ILRUN: variants seen among roughly 807,000 people sequenced by gnomAD.
ILRUN encodes inflammation and lipid regulator with UBA-like and NBR1-like domains, also known as protein ILRUN.
Under a neutral mutation model 33.8 loss-of-function variants are expected in ILRUN, and 3 were observed. That is an observed-to-expected ratio of 0.09 (90% confidence interval 0.04 to 0.23). ILRUN has a LOEUF of 0.23. ILRUN is among the 10% of genes least tolerant of loss of function. ILRUN has a pLI of 1.00. For missense variants in ILRUN, 210 were observed against 375.1 expected (o/e 0.56, Z 3.64); for synonymous variants, 124 against 138.9 (o/e 0.89, Z 0.75).
intron 1 of ILRUN, among the ~76,000 whole-genome samples, chr6:34,666,282 G>A (rs955048840): frequency 3.9e-5 from 6 of 152,154 alleles, no homozygotes; most frequent in South Asian, 2.1e-4. Context: ...ATACTTGGCC[G>A]GGCATGGTGG....
At chr6:34,599,755 A>G (rs1363148987) in intron 4 of ILRUN, among the ~76,000 whole-genome samples, 2 of 152,168 alleles carry the variant, frequency 1.3e-5, no homozygotes, top group Non-Finnish European at 2.9e-5. Context: ...GCAACAGCCC[A>G]CTTGACACCT....
At chr6:34,641,352 C>A (rs1165096085) in intron 3 of ILRUN, among the ~76,000 whole-genome samples, 3 of 152,066 alleles carry the variant, frequency 2.0e-5, no homozygotes, top group African/African-American at 7.2e-5. Context: ...TATACATAAT[C>A]TATTCTCTTT....
chr6:34,668,841 ATTTTT>A (rs34742011), intron 1 of ILRUN, among the ~76,000 whole-genome samples: 2 of 132,584 alleles, frequency 1.5e-5, no homozygotes, highest in African/African-American at 2.8e-5. Flanking sequence ...TGCCTGGCTA[ATTTTT>A]TTTTTTTTTT....
chr6:34,689,344 T>TA (rs1763598897), intron 1 of ILRUN, among the ~76,000 whole-genome samples: 1 of 152,068 alleles, frequency 6.6e-6, no homozygotes, highest in Non-Finnish European at 1.5e-5. Flanking sequence ...GAGACGTCTC[T>TA]AAAAAAATTA....
intron 3 of ILRUN, among the ~76,000 whole-genome samples, chr6:34,624,554 G>A (rs983882391): frequency 4.0e-5 from 6 of 151,290 alleles, no homozygotes; most frequent in African/African-American, 9.7e-5. Context: ...GGCTGATCTC[G>A]AACTCCTGAC....
At chr6:34,634,779 G>GAA (rs1762321726) in intron 3 of ILRUN, among the ~76,000 whole-genome samples, 1 of 152,122 alleles carries the variant, frequency 6.6e-6, no homozygotes, top group African/African-American at 2.4e-5. Context: ...AAAATAAGTT[G>GAA]AACTAGTAAT....
chr6:34,655,985 A>G (rs1762763055), intron 1 of ILRUN, among the ~76,000 whole-genome samples: 1 of 152,134 alleles, frequency 6.6e-6, no homozygotes, highest in Non-Finnish European at 1.5e-5. Flanking sequence ...CTGTAATCCC[A>G]GTACTTTGGG....
intron 2 of ILRUN, among the ~76,000 whole-genome samples, chr6:34,650,076 A>G (rs748638310): frequency 1.4e-4 from 21 of 148,170 alleles, no homozygotes; most frequent in Admixed American, 4.7e-4. Context: ...AAATTTCACC[A>G]AAGTCAGAGA....
chr6:34,673,832 TACACACACAC>T (rs71000079), intron 1 of ILRUN, among the ~76,000 whole-genome samples: 5 of 111,204 alleles, frequency 4.5e-5, no homozygotes, highest in African/African-American at 7.2e-5. Context: ...AACAACCACA[TACACACACAC>T]ACACACACAC....
chr6:34,595,810 G>A, intron 4 of ILRUN: 2 of 985,436 alleles, frequency 2.0e-6, no homozygotes, highest in South Asian at 4.7e-5. Flanking sequence ...TTGTATGGCT[G>A]AGAAATAATA....
At chr6:34,607,660 T>C (rs549765951) in intron 3 of ILRUN, among the ~76,000 whole-genome samples, 88 of 152,264 alleles carry the variant, frequency 5.8e-4, no homozygotes, top group African/African-American at 2.0e-3. Context: ...AAAACCTAGA[T>C]AGTAGAGCCT....
At chr6:34,687,433 C>T (rs1763545115) in intron 1 of ILRUN, among the ~76,000 whole-genome samples, 3 of 151,930 alleles carry the variant, frequency 2.0e-5, no homozygotes, top group South Asian at 2.1e-4. Flanking sequence ...TGGTGGCTCA[C>T]GCCTGTAATC....
At chr6:34,686,700 G>A (rs570557576) in intron 1 of ILRUN, 1 of 209,400 alleles carries the variant, frequency 4.8e-6, no homozygotes, top group African/African-American at 2.4e-5. Context: ...CGGGCGCGGT[G>A]GCTCACGCCT....
chr6:34,696,029 A>G (rs992555931), intron 1 of ILRUN, among the ~76,000 whole-genome samples: 1 of 150,980 alleles, frequency 6.6e-6, no homozygotes, highest in Non-Finnish European at 1.5e-5. Context: ...TCAGCCCCTC[A>G]CTCCAAACCC....
intron 1 of ILRUN, among the ~76,000 whole-genome samples, chr6:34,687,403 A>G (rs907658667): frequency 2.0e-5 from 3 of 152,190 alleles, no homozygotes; most frequent in Non-Finnish European, 2.9e-5. Flanking sequence ...AGTTTTAAAA[A>G]GAAAAATATT....
At chr6:34,632,157 T>C (rs977098887) in intron 3 of ILRUN, among the ~76,000 whole-genome samples, 1 of 152,160 alleles carries the variant, frequency 6.6e-6, no homozygotes, top group African/African-American at 2.4e-5. Context: ...TAACAGTGTT[T>C]AGGCTGGGCG....
At chr6:34,590,701 G>A in intron 4 of ILRUN, 101 bp from the exon 5 acceptor site, 3 of 883,220 alleles carry the variant, frequency 3.4e-6, no homozygotes, top group East Asian at 2.4e-5. Flanking sequence ...TCACAAGGAA[G>A]CCCCAATCCA....
intron 3 of ILRUN, among the ~76,000 whole-genome samples, chr6:34,630,706 G>T (rs1762228475): frequency 6.6e-6 from 1 of 152,082 alleles, no homozygotes; most frequent in Non-Finnish European, 1.5e-5. Flanking sequence ...TAAGCAATGA[G>T]GTCTCACTAT....
intron 3 of ILRUN, among the ~76,000 whole-genome samples, chr6:34,627,552 G>A (rs532755209): frequency 6.6e-6 from 1 of 152,238 alleles, no homozygotes; most frequent in African/African-American, 2.4e-5. Flanking sequence ...TTGGGATTAT[G>A]GCCATCTTAA....
Sources: allele counts gnomAD v4.1 joint callset (sites outside exome capture counted in the v4.1 genomes callset), GRCh38; gene constraint gnomAD v4.1.1; transcripts MANE v1.5; gene names NCBI Gene and HGNC (gene_info 2026-07-23, HGNC 2026-07-21).